PRR16: variants seen among roughly 807,000 people sequenced by gnomAD.
PRR16 encodes the protein proline rich 16.
PRR16 carries 6 observed loss-of-function variants against 18.2 expected under a neutral mutation model. That is an observed-to-expected ratio of 0.33 (90% CI 0.18 to 0.65). The LOEUF (loss-of-function observed/expected upper bound fraction) is 0.65, where lower values mean the gene tolerates loss of function less well. Among genes scored for constraint, PRR16 ranks in the 30% least tolerant of loss-of-function variants. The pLI, the probability that PRR16 is intolerant of heterozygous loss-of-function variation, is 0.74. For missense variants in PRR16, 412 were observed against 376.6 expected (o/e 1.09, Z -0.78); for synonymous variants, 151 against 147.8 (o/e 1.02, Z -0.16).
intron 1 of PRR16, among the ~76,000 whole-genome samples, chr5:120,598,283 C>T (rs1005358970): frequency 6.6e-6 from 1 of 151,496 alleles, no homozygotes; most frequent in African/African-American, 2.4e-5. Context: ...TAAATGTAGG[C>T]AATTTTTGTT....
At chr5:120,793,650 G>GAATAA in the PRR16 span, among the ~76,000 whole-genome samples, 4 of 152,180 alleles carry the variant, frequency 2.6e-5, no homozygotes, top group African/African-American at 9.6e-5. Flanking sequence ...ACAATATAAA[G>GAATAA]AATAAAACAG....
Position 120,651,503 on chromosome 5 carries a change from A to T in PRR16, c.160-34451A>T, listed in dbSNP as rs1397738976. ...TTTAATCCATCTTGAATTAATTTTC[A>T]TATAAGGTGTAAGGAAGGGATCCAG... On this transcript the variant is annotated intron_variant, in intron 1 of 1. Coordinates refer to ENST00000407149, the MANE Select transcript of PRR16 (RefSeq NM_001300783.2). Among the ~76,000 whole-genome samples, 6 of 152,144 alleles carry T rather than the reference A, an allele frequency of 3.9e-5. No individual in the cohort carries two copies. The East Asian group carries it at 1.2e-3, about 29-fold the overall frequency.
At chr5:120,716,051 GCAA>G in the PRR16 span, among the ~76,000 whole-genome samples, 136 of 152,190 alleles carry the variant, frequency 8.9e-4, no homozygotes, top group African/African-American at 3.2e-3. Context: ...CTAAACAGCA[GCAA>G]CAACAACAAC....
intron 1 of PRR16, among the ~76,000 whole-genome samples, chr5:120,635,062 C>G (rs904201538): frequency 6.6e-6 from 1 of 152,042 alleles, no homozygotes; most frequent in Non-Finnish European, 1.5e-5. Context: ...CTATATTAAA[C>G]CAGGAAGTTA....
intron 1 of PRR16, among the ~76,000 whole-genome samples, chr5:120,558,768 T>G (rs997893899): frequency 2.6e-5 from 4 of 151,972 alleles, no homozygotes; most frequent in African/African-American, 9.7e-5. Flanking sequence ...CCACCAACAG[T>G]GTACCAGTGT....
intron 1 of PRR16, among the ~76,000 whole-genome samples, chr5:120,471,636 G>C (rs980572055): frequency 6.6e-6 from 1 of 151,956 alleles, no homozygotes; most frequent in Non-Finnish European, 1.5e-5. Context: ...CCACATATAA[G>C]GGTTATAAGA....
intron 1 of PRR16, among the ~76,000 whole-genome samples, chr5:120,587,664 T>C (rs2112767726): frequency 6.6e-6 from 1 of 152,296 alleles, no homozygotes; most frequent in East Asian, 1.9e-4. Context: ...AAATATTTCT[T>C]CTAAAATATC....
chr5:120,523,626 CATACTAAACTATAAACATT>C lies in PRR16; in HGVS notation c.159+59002_159+59020del, dbSNP rs1320623402. ...TTATTTTCAAGTTGAATTTTTTCTTCATACTAAACTATAAACATTATACTAAACTATAAACATTACTACC... is the reference window on the plus strand; with the variant it reads ...TTATTTTCAAGTTGAATTTTTTCTTCATACTAAACTATAAACATTACTACC... On this transcript the variant is annotated intron_variant, in intron 1 of 1. Transcript: ENST00000407149. Among the ~76,000 whole-genome samples, 4 of 152,140 alleles carry C rather than the reference CATACTAAACTATAAACATT, an allele frequency of 2.6e-5. No homozygotes were observed. The East Asian group carries it at 7.7e-4, about 29-fold the overall frequency.
intron 1 of PRR16, among the ~76,000 whole-genome samples, chr5:120,601,838 T>C (rs539105477): frequency 5.3e-5 from 8 of 152,160 alleles, no homozygotes; most frequent in African/African-American, 1.9e-4. Flanking sequence ...CCTCATTGCT[T>C]GTTGTTGTCA....
chr5:120,525,241 T>G (rs1466254340), intron 1 of PRR16, among the ~76,000 whole-genome samples: 2 of 152,120 alleles, frequency 1.3e-5, no homozygotes, highest in Non-Finnish European at 2.9e-5. Context: ...TCAGGTTGTC[T>G]TCAAATTCAC....
chr5:120,696,008 C>T, the PRR16 span, among the ~76,000 whole-genome samples: 1 of 151,948 alleles, frequency 6.6e-6, no homozygotes, highest in South Asian at 2.1e-4. Context: ...GTTGGGAGGC[C>T]AAGGTGGGTG....
intron 1 of PRR16, among the ~76,000 whole-genome samples, chr5:120,553,346 T>C (rs776536961): frequency 3.9e-5 from 6 of 151,922 alleles, no homozygotes; most frequent in Non-Finnish European, 5.9e-5. Context: ...AGGATTGTTT[T>C]GGATTATTGT....
At chr5:120,738,004 G>C in the PRR16 span, among the ~76,000 whole-genome samples, 1 of 151,922 alleles carries the variant, frequency 6.6e-6, no homozygotes, top group Non-Finnish European at 1.5e-5. Context: ...AAATTTCGGA[G>C]ATCAATTCAG....
At chr5:120,745,874 T>TC in the PRR16 span, among the ~76,000 whole-genome samples, 2 of 149,706 alleles carry the variant, frequency 1.3e-5, no homozygotes, top group Non-Finnish European at 3.0e-5. Context: ...AATTTTTTTT[T>TC]TTTTTTTTTA....
chr5:120,582,739 T>G (rs1444399259), intron 1 of PRR16, among the ~76,000 whole-genome samples: 1 of 149,816 alleles, frequency 6.7e-6, no homozygotes, highest in African/African-American at 2.5e-5. Context: ...TTCAGAGTGG[T>G]TATTTTCAAA....
chr5:120,639,787 A>G (rs948154638), intron 1 of PRR16, among the ~76,000 whole-genome samples: 2 of 151,680 alleles, frequency 1.3e-5, no homozygotes, highest in Non-Finnish European at 2.9e-5. Flanking sequence ...TCCAAATACT[A>G]GATACATACC....
intron 1 of PRR16, among the ~76,000 whole-genome samples, chr5:120,465,927 C>T (rs919667377): frequency 6.6e-6 from 1 of 152,264 alleles, no homozygotes; most frequent in East Asian, 1.9e-4. Flanking sequence ...CAAGAGCCCC[C>T]TCGTCTTCCT....
At chr5:120,781,586 A>C in the PRR16 span, 1 of 152,148 alleles carries the variant, frequency 6.6e-6, no homozygotes, top group Non-Finnish European at 1.5e-5. Flanking sequence ...GATCAGGAGA[A>C]GGTCAGGGAC....
chr5:120,536,283 C>G (rs913968503), intron 1 of PRR16, among the ~76,000 whole-genome samples: 1 of 152,152 alleles, frequency 6.6e-6, no homozygotes, highest in Admixed American at 6.6e-5. Flanking sequence ...TGCTGGGACT[C>G]TAGCAATAGA....
Sources: allele counts gnomAD v4.1 joint callset (sites outside exome capture counted in the v4.1 genomes callset), GRCh38; gene constraint gnomAD v4.1.1; transcripts MANE v1.5; gene names NCBI Gene and HGNC (gene_info 2026-07-23, HGNC 2026-07-21).